Variants in LRRTM4 observed in about 807,000 individuals in gnomAD.
LRRTM4 encodes leucine rich repeat transmembrane neuronal 4, also known as leucine-rich repeat transmembrane neuronal protein 4.
LRRTM4 carries 25 observed loss-of-function variants against 47.6 expected under a neutral mutation model. The ratio of observed to expected loss-of-function variants is 0.53; its 90% CI spans 0.38 to 0.73. The LOEUF is 0.73. LRRTM4 is among the 30% of genes least tolerant of loss of function. The probability of loss-of-function intolerance (pLI) is 0.00; values close to 1 mark genes in which losing one functional copy is unlikely to be tolerated. For synonymous variants in LRRTM4, 311 were observed against 269.5 expected, an observed-to-expected ratio of 1.15 and a Z score of -1.51; for missense variants, 638 against 713.4, an observed-to-expected ratio of 0.89 and a Z score of 1.20.
chr2:77,070,911 C>T (rs1680133849), intron 3 of LRRTM4, among the ~76,000 whole-genome samples: 1 of 152,100 alleles, frequency 6.6e-6, no homozygotes, highest in Admixed American at 6.5e-5. Flanking sequence ...AGCCACTGTG[C>T]CTGGCCAAAA....
At chr2:76,833,862 TAATG>T (rs1300520724) in intron 3 of LRRTM4, among the ~76,000 whole-genome samples, 3 of 151,682 alleles carry the variant, frequency 2.0e-5, no homozygotes, top group African/African-American at 7.2e-5. Flanking sequence ...TAATCACAAA[TAATG>T]AAGACAATTT....
intron 3 of LRRTM4, among the ~76,000 whole-genome samples, chr2:77,286,802 C>T (rs1676675835): frequency 6.6e-6 from 1 of 151,998 alleles, no homozygotes; most frequent in African/African-American, 2.4e-5. Flanking sequence ...ATGAATAAAA[C>T]AACTCTAATT....
chr2:77,163,819 T>C (rs537221130), intron 3 of LRRTM4, among the ~76,000 whole-genome samples: 2 of 152,106 alleles, frequency 1.3e-5, no homozygotes, highest in Admixed American at 6.5e-5. Context: ...GCACTAAACA[T>C]GGAAAGGAAC....
At chr2:76,853,295 C>T (rs556532970) in intron 3 of LRRTM4, among the ~76,000 whole-genome samples, 1 of 152,178 alleles carries the variant, frequency 6.6e-6, no homozygotes, top group Non-Finnish European at 1.5e-5. Flanking sequence ...ATATAATCAA[C>T]AGAACTCAAT....
At chr2:76,779,373 C>T (rs1026275568) in intron 3 of LRRTM4, among the ~76,000 whole-genome samples, 153 of 150,624 alleles carry the variant, frequency 1.0e-3, no homozygotes, top group African/African-American at 3.6e-3. Context: ...TTAAAGTCTC[C>T]CATTATTAAT....
chr2:77,426,135 A>G (rs983146692), intron 3 of LRRTM4, among the ~76,000 whole-genome samples: 78 of 151,482 alleles, frequency 5.1e-4, no homozygotes, highest in Admixed American at 4.1e-3. Context: ...AAAAAAAGTC[A>G]TCCCTGATAT....
At chr2:76,759,470 T>A (rs1673175188) in intron 3 of LRRTM4, among the ~76,000 whole-genome samples, 1 of 152,128 alleles carries the variant, frequency 6.6e-6, no homozygotes, top group Non-Finnish European at 1.5e-5. Context: ...ACTGACCTTT[T>A]AGAGACGATC....
At chr2:76,800,922 T>A (rs972305127) in intron 3 of LRRTM4, among the ~76,000 whole-genome samples, 1 of 151,262 alleles carries the variant, frequency 6.6e-6, no homozygotes, top group African/African-American at 2.4e-5. Flanking sequence ...ATGCTCATCA[T>A]CACTGGCCAT....
chr2:76,930,522 T>G (rs1674736816), intron 3 of LRRTM4, among the ~76,000 whole-genome samples: 1 of 152,158 alleles, frequency 6.6e-6, no homozygotes, highest in Non-Finnish European at 1.5e-5. Context: ...AGCAGAAGTG[T>G]GCTGATGGCA....
At chr2:77,021,868 T>A (rs75116199) in intron 3 of LRRTM4, among the ~76,000 whole-genome samples, 166 of 152,328 alleles carry the variant, frequency 1.1e-3, no homozygotes, top group African/African-American at 3.5e-3. Flanking sequence ...GTTTAATGAT[T>A]GCCACACCCA....
chr2:77,290,262 G>A (rs1342387064), intron 3 of LRRTM4, among the ~76,000 whole-genome samples: 1 of 151,920 alleles, frequency 6.6e-6, no homozygotes. Context: ...TTGGATGCTT[G>A]AATTCAATGG....
chr2:77,037,968 C>T (rs759307296), intron 3 of LRRTM4, among the ~76,000 whole-genome samples: 1 of 151,740 alleles, frequency 6.6e-6, no homozygotes, highest in East Asian at 1.9e-4. Flanking sequence ...TTAAGGAGCA[C>T]AAGCTCACAC....
chr2:77,236,119 A>C (rs1675097493), intron 3 of LRRTM4, among the ~76,000 whole-genome samples: 2 of 152,148 alleles, frequency 1.3e-5, no homozygotes, highest in African/African-American at 4.8e-5. Flanking sequence ...CAGTATGGTC[A>C]TTGTAATGAC....
rs553064933 is a variant in LRRTM4 at position 77,198,516 on chromosome 2, G to A, written c.1551+319802C>T. Among the ~76,000 whole-genome samples, 25 of 152,208 alleles carry A rather than the reference G, an allele frequency of 1.6e-4. No individual in the cohort carries two copies. In the South Asian group the frequency reaches 3.3e-3, roughly 20 times the overall value. Reference sequence around the variant, plus strand: ...CCCTTCCCTTATCATCAGAAAGACCGTTAAAATTAAGATTAATTGTGATTC... The same window carrying A: ...CCCTTCCCTTATCATCAGAAAGACCATTAAAATTAAGATTAATTGTGATTC... On this transcript the variant is annotated intron_variant, in intron 3 of 3. Transcript: ENST00000409884.
chr2:77,050,664 A>G (rs143011196), intron 3 of LRRTM4, among the ~76,000 whole-genome samples: 113 of 152,274 alleles, frequency 7.4e-4, no homozygotes, highest in African/African-American at 2.6e-3. Flanking sequence ...ATCTAAACAT[A>G]TATCTTGAAT....
At chr2:77,262,594 T>C (rs1209692691) in intron 3 of LRRTM4, among the ~76,000 whole-genome samples, 1 of 151,984 alleles carries the variant, frequency 6.6e-6, no homozygotes, top group Non-Finnish European at 1.5e-5. Flanking sequence ...TCTCTCAGAC[T>C]TTACTTGCCT....
intron 3 of LRRTM4, among the ~76,000 whole-genome samples, chr2:76,959,846 G>A (rs1675794751): frequency 6.6e-6 from 1 of 151,446 alleles, no homozygotes; most frequent in Non-Finnish European, 1.5e-5. Flanking sequence ...AAATTCCAGT[G>A]CATTATGATT....
intron 3 of LRRTM4, among the ~76,000 whole-genome samples, chr2:77,487,550 C>T (rs1416575227): frequency 6.6e-6 from 1 of 152,144 alleles, no homozygotes; most frequent in African/African-American, 2.4e-5. Context: ...GCAGGTGCTC[C>T]TCGGCATGAA....
At chr2:76,787,437 A>G (rs931106032) in intron 3 of LRRTM4, among the ~76,000 whole-genome samples, 1 of 152,112 alleles carries the variant, frequency 6.6e-6, no homozygotes, top group African/African-American at 2.4e-5. Context: ...CCAGATGTCA[A>G]CATTATCAGA....
Sources: allele counts gnomAD v4.1 joint callset (sites outside exome capture counted in the v4.1 genomes callset), GRCh38; gene constraint gnomAD v4.1.1; transcripts MANE v1.5; gene names NCBI Gene and HGNC (gene_info 2026-07-23, HGNC 2026-07-21).